Variants in MTMR9 observed in about 807,000 individuals in gnomAD.
MTMR9 encodes myotubularin related protein 9, also known as myotubularin-related protein 9.
In MTMR9, 39 loss-of-function variants were observed where a neutral mutation model predicts 69.5. The ratio of observed to expected loss-of-function variants is 0.56; its 90% CI spans 0.43 to 0.73. The LOEUF (loss-of-function observed/expected upper bound fraction) is 0.73, where lower values mean the gene tolerates loss of function less well. MTMR9 is among the 30% of genes least tolerant of loss of function. MTMR9 has a pLI of 0.00. For synonymous variants in MTMR9, 354 were observed against 240.8 expected (o/e 1.47, Z -4.35); for missense variants, 900 against 671.2 (o/e 1.34, Z -3.77).
At chr8:11,315,267 C>G (rs904970357) in intron 7 of MTMR9, among the ~76,000 whole-genome samples, 4 of 152,208 alleles carry the variant, frequency 2.6e-5, no homozygotes, top group African/African-American at 9.6e-5. Context: ...ACTTCCTTCA[C>G]TTAGGAAACT....
intron 2 of MTMR9, among the ~76,000 whole-genome samples, chr8:11,296,756 T>C (rs1279742111): frequency 6.6e-6 from 1 of 152,234 alleles, no homozygotes. Context: ...ATGCATGTGG[T>C]GAGACTTTTA....
intron 1 of MTMR9, among the ~76,000 whole-genome samples, chr8:11,289,596 T>G (rs1799307649): frequency 6.6e-6 from 1 of 152,154 alleles, no homozygotes; most frequent in Admixed American, 6.5e-5. Context: ...ATTTTCTTCC[T>G]CCCTAATTTT....
intron 9 of MTMR9, 30 bp from the exon 10 acceptor site, chr8:11,322,591 TCTTG>T: frequency 6.3e-7 from 1 of 1,592,844 alleles, no homozygotes; most frequent in Non-Finnish European, 8.6e-7. Context: ...TATATACCTT[TCTTG>T]CTTCTGTTTT....
At chr8:11,292,256 A>G (rs1585108672) in intron 1 of MTMR9, among the ~76,000 whole-genome samples, 1 of 152,184 alleles carries the variant, frequency 6.6e-6, no homozygotes, top group African/African-American at 2.4e-5. Flanking sequence ...TGGGTTTCCA[A>G]TTTGAGGCTA....
intron 1 of MTMR9, among the ~76,000 whole-genome samples, chr8:11,289,704 A>G (rs1295225990): frequency 6.6e-6 from 1 of 152,174 alleles, no homozygotes. Flanking sequence ...GTGCGCACAC[A>G]TGCATGTGTG....
chr8:11,326,929 C>T lies in MTMR9; in HGVS notation c.*4141C>T, dbSNP rs2117481854. 6.8e-6 allele frequency: 1 copy of T among 146,416 alleles called. No homozygotes were observed. Among genetic ancestry groups the T allele is most frequent in the South Asian group, 2.2e-4 (1 of 4,558 alleles). The allele number at this position is 146,416 out of a possible 1,614,324, so 9.1% of individuals were successfully genotyped here. ...AGCTTGCAGTGAGCCGAGATCGCAC[C>T]ACTGCACTCCAGCCTGGGCGAAAGG... On this transcript the variant is annotated 3_prime_UTR_variant, in exon 10 of 10. Transcript: ENST00000221086.
At chr8:11,304,287 G>A (rs2736390) in intron 3 of MTMR9, among the ~76,000 whole-genome samples, 97,652 of 152,016 alleles carry the variant, frequency 0.64, 32,723 homozygotes, top group East Asian at 0.89. Flanking sequence ...TAAACAAAGG[G>A]TTTGATATAG....
At chr8:11,331,292 C>T (rs1801212971), downstream of MTMR9, 1 of 1,613,998 alleles carries the variant, frequency 6.2e-7, no homozygotes, top group Admixed American at 1.7e-5. Flanking sequence ...GTATGGCTTA[C>T]CAGGGTTCCA....
At position 11,285,173 on chromosome 8, in the gene MTMR9, A is replaced by G. The variant is rs544159859; in HGVS notation, c.182+103A>G. The G allele has an allele frequency of 2.8e-5, 34 of 1,199,852 alleles. No individual in the cohort carries two copies. In the East Asian group the frequency reaches 7.4e-4, roughly 26 times the overall value. 74.3% of individuals were successfully genotyped at this position (1,199,852 alleles called of 1,614,324 possible). ...TTTCCGCGCAGCCTGCCGCCCAGCT[A>G]GCCGGCAAGATGAGCCCTCTGTGGC... On this transcript the variant is annotated intron_variant, in intron 1 of 9. Transcript: ENST00000221086.
chr8:11,314,439 T>C (rs1800328465), intron 6 of MTMR9, among the ~76,000 whole-genome samples: 11 of 152,288 alleles, frequency 7.2e-5, no homozygotes, highest in Admixed American at 4.6e-4. Context: ...ATTTTCCAGA[T>C]TGAATTACAG....
At chr8:11,339,522 A>C in the MTMR9 span, 1 of 152,528 alleles carries the variant, frequency 6.6e-6, no homozygotes, top group South Asian at 2.1e-4. Flanking sequence ...TTATTCGAAC[A>C]GACACACTCC....
At chr8:11,337,980 A>T in the MTMR9 span, among the ~76,000 whole-genome samples, 3 of 152,244 alleles carry the variant, frequency 2.0e-5, no homozygotes, top group Non-Finnish European at 4.4e-5. Context: ...TTCCCCAAGG[A>T]ATTGTTCACA....
Position 11,324,365 on chromosome 8 carries a change from T to C in MTMR9, c.*1577T>C, listed in dbSNP as rs1800829797. On this transcript the variant is annotated 3_prime_UTR_variant, in exon 10 of 10. Transcript: ENST00000221086. ...CACAGTCTTTTTGGGAAAATTGGCC[T>C]GCCACCTTCTTTAAGCTCAGTTTAT... The C allele has an allele frequency of 6.6e-6, 1 of 152,238 alleles. No homozygotes were observed. Among genetic ancestry groups the C allele is most frequent in the Admixed American group, 6.5e-5 (1 of 15,288 alleles). 9.4% of individuals were successfully genotyped at this position (152,238 alleles called of 1,614,324 possible). A position where few individuals can be genotyped will look rare whatever the true frequency, so the allele number is the denominator to read the frequency against.
chr8:11,331,231 T>G, downstream of MTMR9: 2 of 1,613,940 alleles, frequency 1.2e-6, no homozygotes, highest in Non-Finnish European at 1.7e-6. Flanking sequence ...GGCCTGCTGG[T>G]GGCCCTGCTG....
At chr8:11,289,777 C>G (rs1365914843) in intron 1 of MTMR9, among the ~76,000 whole-genome samples, 1 of 152,172 alleles carries the variant, frequency 6.6e-6, no homozygotes, top group East Asian at 1.9e-4. Context: ...TATGGTGACA[C>G]AATACTGTTT....
At chr8:11,331,549 G>A (rs145832727), downstream of MTMR9, 20 of 1,613,712 alleles carry the variant, frequency 1.2e-5, no homozygotes, top group Non-Finnish European at 1.4e-5. Context: ...CTCACCCTCT[G>A]CCTTGAGAGC....
At chr8:11,309,473 C>A in intron 5 of MTMR9, 54 bp from the exon 6 acceptor site, 1 of 1,501,910 alleles carries the variant, frequency 6.7e-7, no homozygotes, top group East Asian at 2.3e-5. Flanking sequence ...GGTTTGGTTT[C>A]TTTATCTTTC....
downstream of MTMR9, among the ~76,000 whole-genome samples, chr8:11,329,333 CT>C (rs1801095621): frequency 6.6e-6 from 1 of 152,218 alleles, no homozygotes; most frequent in Non-Finnish European, 1.5e-5. Context: ...TTCCCTCTCC[CT>C]CTCTTTCCAT....
chr8:11,321,338 G>T (rs962783724), intron 9 of MTMR9: 4 of 450,554 alleles, frequency 8.9e-6, no homozygotes, highest in Non-Finnish European at 8.9e-6. Context: ...TCTCTTAAAC[G>T]AGAGGTTACA....
Sources: allele counts gnomAD v4.1 joint callset (sites outside exome capture counted in the v4.1 genomes callset), GRCh38; gene constraint gnomAD v4.1.1; transcripts MANE v1.5; gene names NCBI Gene and HGNC (gene_info 2026-07-23, HGNC 2026-07-21).